ARHGEF3: variants seen among roughly 807,000 people sequenced by gnomAD.
ARHGEF3 encodes 59.8 kDA protein.
In ARHGEF3, 28 loss-of-function variants were observed where a neutral mutation model predicts 63.2. The observed-to-expected ratio is 0.44, with a 90% CI of 0.33 to 0.61. ARHGEF3 has a LOEUF of 0.61. Ranked by LOEUF, ARHGEF3 falls within the 20% of genes least tolerant of loss-of-function variation. The pLI is 0.03. For missense variants in ARHGEF3, 533 were observed against 659.3 expected (o/e 0.81, Z 2.10); for synonymous variants, 266 against 254.2 (o/e 1.05, Z -0.44).
At chr3:56,916,558 C>T in intron 3 of ARHGEF3, 1 of 1,241,408 alleles carries the variant, frequency 8.1e-7, no homozygotes, top group Non-Finnish European at 1.0e-6. Context: ...CCTGCTACTG[C>T]TGCTTTTGCA....
At chr3:57,010,322 G>C (rs536432555) in intron 2 of ARHGEF3, among the ~76,000 whole-genome samples, 6 of 152,216 alleles carry the variant, frequency 3.9e-5, no homozygotes, top group East Asian at 1.9e-4. Context: ...CGGGCGTGGT[G>C]GCGGGTGCCT....
chr3:56,774,930 A>AC, intron 1 of ARHGEF3: 5 of 1,265,872 alleles, frequency 3.9e-6, no homozygotes, highest in African/African-American at 1.6e-5. Context: ...CAACAACAAA[A>AC]AAAAAACAGG....
Position 56,751,309 on chromosome 3 carries a change from G to A in ARHGEF3, c.526C>T (p.Leu176=). 6.2e-7 allele frequency: 1 copy of A among 1,611,668 alleles called. No homozygotes were observed. Among genetic ancestry groups the A allele is most frequent in the African/African-American group, 1.3e-5 (1 of 74,978 alleles). ...IFGTLDSLIP[L]HEELLSQLRD... Reference sequence around the variant, plus strand: ...GGGAACAAAATTATACCTTCATGTAGAGGAATTAGAGAGTCCAGTGTTCCA... The same window carrying A: ...GGGAACAAAATTATACCTTCATGTAAAGGAATTAGAGAGTCCAGTGTTCCA... Residue 176 remains leucine (L), a synonymous_variant, in exon 5 of 10, where the codon CTA becomes TTA. Coordinates refer to ENST00000296315, the MANE Select transcript of ARHGEF3 (RefSeq NM_019555.3).
chr3:56,947,591 A>T (rs1218050412), intron 3 of ARHGEF3, among the ~76,000 whole-genome samples: 2 of 152,224 alleles, frequency 1.3e-5, no homozygotes, highest in African/African-American at 2.4e-5. Flanking sequence ...TCCTAAATAT[A>T]TATGCACCCA....
At chr3:56,745,125 T>C (rs1456766766) in intron 7 of ARHGEF3, 80 bp downstream of exon 7, 1 of 1,517,912 alleles carries the variant, frequency 6.6e-7, no homozygotes, top group Non-Finnish European at 8.9e-7. Context: ...CAGGGACTCT[T>C]CCATTCACCC....
At chr3:56,777,671 T>C (rs1463759437) in intron 1 of ARHGEF3, among the ~76,000 whole-genome samples, 1 of 152,182 alleles carries the variant, frequency 6.6e-6, no homozygotes. Context: ...TCCCCACTCA[T>C]TTTCCCTGCA....
In ARHGEF3 at chr3:56,737,281, C is replaced by T. The variant is rs769611569; in HGVS notation, c.945G>A (p.Glu315=). 5.0e-6 allele frequency: 8 copies of T among 1,613,492 alleles called. No individual in the cohort carries two copies. In the Admixed American group the frequency reaches 1.0e-4, roughly 20 times the overall value. ...GGCCTTCTTCCAAGTAAAGAAGCCGCTCTTTATAATAGCGGCATTCAGATT... is the reference window on the plus strand; with the variant it reads ...GGCCTTCTTCCAAGTAAAGAAGCCGTTCTTTATAATAGCGGCATTCAGATT... ...TGESECRYYK[E]RLLYLEEGQK... The change falls in exon 8 of 10, where the codon GAG becomes GAA. Residue 315 remains glutamate (E), a synonymous_variant. Coordinates refer to ENST00000296315, the MANE Select transcript of ARHGEF3 (RefSeq NM_019555.3).
chr3:56,976,035 G>A (rs553404500), intron 2 of ARHGEF3, among the ~76,000 whole-genome samples: 71 of 151,412 alleles, frequency 4.7e-4, no homozygotes, highest in Middle Eastern at 3.4e-3. Context: ...TCAACGCTTA[G>A]AAGGTGTTTT....
intron 3 of ARHGEF3, among the ~76,000 whole-genome samples, chr3:56,930,177 G>A (rs1236770362): frequency 6.6e-6 from 1 of 151,978 alleles, no homozygotes; most frequent in African/African-American, 2.4e-5. Context: ...TTTAATGGCT[G>A]GAGTTGGCTG....
At chr3:56,796,455 A>C (rs368671057) in intron 1 of ARHGEF3, among the ~76,000 whole-genome samples, 3 of 152,250 alleles carry the variant, frequency 2.0e-5, no homozygotes, top group Admixed American at 1.3e-4. Context: ...GAATTCTGCC[A>C]AAGACCAGCT....
chr3:56,859,758 G>A (rs956926215), intron 4 of ARHGEF3, among the ~76,000 whole-genome samples: 8 of 148,210 alleles, frequency 5.4e-5, no homozygotes, highest in African/African-American at 1.0e-4. Flanking sequence ...GGCTGGTCTC[G>A]AACTCCTGAC....
At chr3:57,013,970 C>CT (rs2107118833) in intron 2 of ARHGEF3, among the ~76,000 whole-genome samples, 1 of 152,312 alleles carries the variant, frequency 6.6e-6, no homozygotes, top group Non-Finnish European at 1.5e-5. Context: ...TGTTCCTCTG[C>CT]TCTTTGCAAT....
Position 56,762,974 on chromosome 3 carries a change from A to C in ARHGEF3, c.205-7823T>G, listed in dbSNP as rs138873577. Among the ~76,000 whole-genome samples, 7 of 152,290 alleles carry C rather than the reference A, an allele frequency of 4.6e-5. No homozygotes were observed. The East Asian group carries it at 1.3e-3, about 29-fold the overall frequency. On this transcript the variant is annotated intron_variant, in intron 2 of 9. Coordinates refer to ENST00000296315, the MANE Select transcript of ARHGEF3 (RefSeq NM_019555.3). The stretch of plus-strand genomic sequence containing the variant: ...CTCATGCTAATCCTAGGAGAGGATG[A>C]GTAATTTGAGTAGCAGAGTGGTAAG...
At chr3:56,797,576 C>A (rs190373816) in intron 1 of ARHGEF3, among the ~76,000 whole-genome samples, 1 of 152,180 alleles carries the variant, frequency 6.6e-6, no homozygotes, top group Non-Finnish European at 1.5e-5. Flanking sequence ...CTGTTCAATA[C>A]AATAAGATAC....
At chr3:56,923,292 G>GAAA (rs373330902) in intron 3 of ARHGEF3, among the ~76,000 whole-genome samples, 11 of 151,226 alleles carry the variant, frequency 7.3e-5, no homozygotes, top group Admixed American at 3.3e-4. Context: ...TTTTTGTATA[G>GAAA]GTTTTAATTT....
rs202080191 is a variant in ARHGEF3, at chr3:56,736,063, C to CACAA, written c.1041+1121_1041+1122insTTGT. ...ACAGAAATTTAAACACACACACACACACACACACACACACACACACACACA... is the reference window on the plus strand; with the variant it reads ...ACAGAAATTTAAACACACACACACACACAAACACACACACACACACACACACACA... On this transcript the variant is annotated intron_variant, in intron 8 of 9. Coordinates refer to ENST00000296315, the MANE Select transcript of ARHGEF3 (RefSeq NM_019555.3). Among the ~76,000 whole-genome samples, 1,654 of 110,234 alleles carry CACAA rather than the reference C, an allele frequency of 0.015. 62 individuals are homozygous for CACAA. The East Asian group carries it at 0.18, about 12-fold the overall frequency. The allele number at this position is 110,234 out of a possible 152,430, so 72.3% of individuals were successfully genotyped here. A position where few individuals can be genotyped will look rare whatever the true frequency, so the allele number is the denominator to read the frequency against.
chr3:56,802,601 T>C (rs1313756406), upstream of ARHGEF3, among the ~76,000 whole-genome samples: 2 of 152,128 alleles, frequency 1.3e-5, no homozygotes, highest in Non-Finnish European at 2.9e-5. Flanking sequence ...CTCGAGACCT[T>C]TCCCACTTTG....
chr3:56,752,083 T>C (rs200033028), intron 4 of ARHGEF3, among the ~76,000 whole-genome samples: 22 of 61,034 alleles, frequency 3.6e-4, no homozygotes, highest in East Asian at 2.6e-3. Flanking sequence ...TATTTTTTTC[T>C]TTTTTTTTTT....
At chr3:57,026,933 G>A (rs753780442) in intron 2 of ARHGEF3, among the ~76,000 whole-genome samples, 4 of 152,186 alleles carry the variant, frequency 2.6e-5, no homozygotes, top group South Asian at 2.1e-4. Flanking sequence ...CAGCATGCCC[G>A]AAAGAGTGAT....
Sources: gnomAD v4.1 joint callset for allele counts (sites outside exome capture counted in the v4.1 genomes callset) on GRCh38, gnomAD v4.1.1 for gene constraint, MANE v1.5 for transcripts, NCBI Gene and HGNC (gene_info 2026-07-23, HGNC 2026-07-21) for gene names.